The following SLC24A2 variants were observed in gnomAD, a reference collection of about 807,000 sequenced individuals.
SLC24A2 encodes the protein solute carrier family 24 member 2.
A neutral mutation model predicts 62.0 loss-of-function variants in SLC24A2; 36 were observed. The ratio of observed to expected loss-of-function variants is 0.58; its 90% CI spans 0.44 to 0.77. The LOEUF is 0.77. Among genes scored for constraint, SLC24A2 ranks in the 30% least tolerant of loss-of-function variants. The pLI is 0.00. For missense variants in SLC24A2, 846 were observed against 817.9 expected, an observed-to-expected ratio of 1.03 and a Z score of -0.42; for synonymous variants, 358 against 294.0, an observed-to-expected ratio of 1.22 and a Z score of -2.23.
intron 2 of SLC24A2, among the ~76,000 whole-genome samples, chr9:19,657,712 C>G (rs1425393979): frequency 6.6e-6 from 1 of 152,116 alleles, no homozygotes; most frequent in Non-Finnish European, 1.5e-5. Context: ...ACTGCAGAAC[C>G]CTCAGTCTTT....
At chr9:19,640,774 G>A (rs1219013760) in intron 2 of SLC24A2, among the ~76,000 whole-genome samples, 1 of 152,070 alleles carries the variant, frequency 6.6e-6, no homozygotes, top group Non-Finnish European at 1.5e-5. Flanking sequence ...TAAGCAGCTG[G>A]TTCATGAGCT....
chr9:20,167,630 G>C, the SLC24A2 span, among the ~76,000 whole-genome samples: 1 of 152,012 alleles, frequency 6.6e-6, no homozygotes, highest in African/African-American at 2.4e-5. Flanking sequence ...TGATTCCACT[G>C]CTAAAGCAGG....
At chr9:19,796,885 T>C in the SLC24A2 span, among the ~76,000 whole-genome samples, 7,716 of 152,242 alleles carry the variant, frequency 0.051, 704 homozygotes, top group African/African-American at 0.18. Flanking sequence ...TAGAAACTCA[T>C]AAATATCTGG....
At chr9:20,283,270 T>C in the SLC24A2 span, among the ~76,000 whole-genome samples, 5 of 152,246 alleles carry the variant, frequency 3.3e-5, no homozygotes, top group Admixed American at 6.5e-5. Flanking sequence ...AAATGCTCTC[T>C]GGATCACTTG....
the SLC24A2 span, among the ~76,000 whole-genome samples, chr9:20,297,612 C>G: frequency 1.3e-5 from 2 of 152,212 alleles, no homozygotes; most frequent in Non-Finnish European, 2.9e-5. Context: ...TGGCAGCCCC[C>G]ACCTAGGCAG....
intron 7 of SLC24A2, among the ~76,000 whole-genome samples, chr9:19,558,371 G>T (rs537945858): frequency 5.8e-4 from 88 of 152,264 alleles, no homozygotes; most frequent in African/African-American, 2.0e-3. Flanking sequence ...TAGGAAGAAA[G>T]ACTTGTCTTT....
Position 19,508,450 on chromosome 9 carries a change from G to C in SLC24A2, c.*7703C>G, listed in dbSNP as rs1343452860. On this transcript the variant is annotated 3_prime_UTR_variant, in exon 11 of 11. Coordinates refer to ENST00000341998, the MANE Select transcript of SLC24A2 (RefSeq NM_020344.4). Reference sequence around the variant, plus strand: ...ATGGACAATTTAGGTACCCAGTTCTGGTGGATTTCTAGACTATTAAGTGCT... The same window carrying C: ...ATGGACAATTTAGGTACCCAGTTCTCGTGGATTTCTAGACTATTAAGTGCT... 2 of 152,112 alleles carry C rather than the reference G, an allele frequency of 1.3e-5. No homozygotes were observed. The highest frequency in any genetic ancestry group is 4.8e-5 in the African/African-American group (2 of 41,412). The allele number at this position is 152,112 out of a possible 1,614,324, so 9.4% of individuals were successfully genotyped here.
chr9:19,903,468 T>C, the SLC24A2 span, among the ~76,000 whole-genome samples: 1 of 152,166 alleles, frequency 6.6e-6, no homozygotes, highest in East Asian at 1.9e-4. Context: ...GGATTAAGGC[T>C]TTGGAATATT....
the SLC24A2 span, among the ~76,000 whole-genome samples, chr9:19,907,024 A>T: frequency 0.013 from 1,910 of 152,290 alleles, 45 homozygotes; most frequent in African/African-American, 0.044. Context: ...ACACAACCAA[A>T]AAAGAGAATT....
chr9:19,745,239 G>T (rs1342319701), intron 2 of SLC24A2, among the ~76,000 whole-genome samples: 1 of 152,098 alleles, frequency 6.6e-6, no homozygotes, highest in Non-Finnish European at 1.5e-5. Context: ...AGAAGCAGAT[G>T]ACTGTGCCAT....
chr9:20,222,121 A>G, the SLC24A2 span, among the ~76,000 whole-genome samples: 2 of 152,066 alleles, frequency 1.3e-5, no homozygotes, highest in Non-Finnish European at 2.9e-5. Flanking sequence ...TATAAATATT[A>G]AATAACGAAA....
chr9:19,850,948 T>C, the SLC24A2 span, among the ~76,000 whole-genome samples: 202 of 16,144 alleles, frequency 0.013, 9 homozygotes, highest in Middle Eastern at 0.071. Context: ...TATATATACA[T>C]ATATATATAT....
the SLC24A2 span, among the ~76,000 whole-genome samples, chr9:20,070,701 G>C: frequency 1.3e-5 from 2 of 152,194 alleles, no homozygotes; most frequent in African/African-American, 4.8e-5. Flanking sequence ...CCTAAGAATA[G>C]ACCCTCAGAA....
chr9:20,273,231 C>A, the SLC24A2 span, among the ~76,000 whole-genome samples: 1 of 152,198 alleles, frequency 6.6e-6, no homozygotes, highest in Non-Finnish European at 1.5e-5. Flanking sequence ...CACTGCCCCA[C>A]CTTTTTGTGT....
intron 5 of SLC24A2, among the ~76,000 whole-genome samples, chr9:19,585,858 G>A (rs1423773153): frequency 6.6e-6 from 1 of 152,222 alleles, no homozygotes; most frequent in East Asian, 1.9e-4. Flanking sequence ...CTTTAATAAT[G>A]TTCTATAAGA....
At chr9:19,934,568 G>T in the SLC24A2 span, among the ~76,000 whole-genome samples, 4 of 152,148 alleles carry the variant, frequency 2.6e-5, no homozygotes, top group Non-Finnish European at 5.9e-5. This position sits in a 1 kb window ranked among gnomAD's most constrained non-coding sequence, Gnocchi z 4.1. Flanking sequence ...AGCCTCCTGC[G>T]CTGCCTGCCA....
chr9:20,031,866 G>A, the SLC24A2 span, among the ~76,000 whole-genome samples: 2 of 152,224 alleles, frequency 1.3e-5, no homozygotes, highest in African/African-American at 4.8e-5. Context: ...AACAGCACGA[G>A]AGAAAGAAAG....
intron 2 of SLC24A2, among the ~76,000 whole-genome samples, chr9:19,782,796 T>C (rs1283727650): frequency 1.1e-4 from 17 of 152,230 alleles, no homozygotes; most frequent in Admixed American, 1.1e-3. Flanking sequence ...ACCAATCTTA[T>C]GAAGTAGGTA....
the SLC24A2 span, among the ~76,000 whole-genome samples, chr9:20,135,323 A>C: frequency 1.7e-5 from 2 of 120,736 alleles, no homozygotes; most frequent in Non-Finnish European, 3.3e-5. Context: ...ATTTTTAATT[A>C]CAATTTAAAA....
Sources: allele counts gnomAD v4.1 joint callset (sites outside exome capture counted in the v4.1 genomes callset), GRCh38; gene constraint gnomAD v4.1.1; non-coding constraint Gnocchi (gnomAD v3.1); transcripts MANE v1.5; gene names NCBI Gene and HGNC (gene_info 2026-07-23, HGNC 2026-07-21).